Variants in SSH2 observed in about 807,000 individuals in gnomAD.
SSH2 encodes the protein protein phosphatase Slingshot homolog 2.
Under a neutral mutation model 135.2 loss-of-function variants are expected in SSH2, and 37 were observed. The observed-to-expected ratio is 0.27, with a 90% CI of 0.21 to 0.36. The LOEUF (loss-of-function observed/expected upper bound fraction) is 0.36, where lower values mean the gene tolerates loss of function less well. Ranked by LOEUF, SSH2 falls within the 10% of genes least tolerant of loss-of-function variation. The probability of loss-of-function intolerance (pLI) is 1.00; values close to 1 mark genes in which losing one functional copy is unlikely to be tolerated. For missense variants in SSH2, 1,408 were observed against 1,765.3 expected, an observed-to-expected ratio of 0.80 and a Z score of 3.63; for synonymous variants, 628 against 646.2, an observed-to-expected ratio of 0.97 and a Z score of 0.43.
rs1337967264 is a variant in SSH2 at position 29,874,207 on chromosome 17, C to T, written c.64-25278G>A. On this transcript the variant is annotated intron_variant, in intron 1 of 15. Coordinates refer to ENST00000540801, the MANE Select transcript of SSH2 (RefSeq NM_001282129.2). ...ACTCAGGAGGCCAAGGTGGGAGGAT[C>T]GCTTGAGCCTGGGAGGTGGAGGTTG... 7.5e-5 allele frequency among the ~76,000 whole-genome samples: 11 copies of T among 145,740 alleles called. No individual in the cohort carries two copies. In the East Asian group the frequency reaches 1.1e-3, roughly 15 times the overall value.
chr17:29,883,087 A>G (rs1400168311), intron 1 of SSH2: 1 of 152,094 alleles, frequency 6.6e-6, no homozygotes, highest in Non-Finnish European at 1.5e-5. Context: ...TTGTTACAAT[A>G]TCAGCACATT....
At chr17:29,848,139 A>G (rs1312188841) in intron 2 of SSH2, among the ~76,000 whole-genome samples, 2 of 152,170 alleles carry the variant, frequency 1.3e-5, no homozygotes, top group South Asian at 2.1e-4. Context: ...CTGCATCACT[A>G]CTAGGCCATT....
chr17:29,714,148 T>C (rs2039534789), intron 3 of SSH2, among the ~76,000 whole-genome samples: 1 of 152,070 alleles, frequency 6.6e-6, no homozygotes, highest in African/African-American at 2.4e-5. Context: ...CAAAAGTAAA[T>C]GACCTGAAAA....
intron 1 of SSH2, among the ~76,000 whole-genome samples, chr17:29,920,286 C>G (rs1460494053): frequency 3.3e-5 from 5 of 152,188 alleles, no homozygotes; most frequent in East Asian, 1.9e-4. Context: ...AGAAACTGCT[C>G]CCTCTCACTT....
At position 29,636,212 on chromosome 17, in the gene SSH2, C is replaced by A; in HGVS notation, c.2018G>T (p.Ser673Ile). Residue 673 changes from serine (S) to isoleucine (I), a missense_variant, in exon 15 of 16, where the codon AGT becomes ATT. By Grantham distance (142) the Ser-to-Ile change is moderately radical. Transcript: ENST00000540801. Reference protein sequence around the residue: ...PSCQTEISDFSTDRIDFFSAL... With the variant: ...PSCQTEISDFITDRIDFFSAL... ...ACTAAAAAAGTCAATGCGATCTGTA[C>A]TGAAATCTGAGATTTCAGTCTGGCA... 1 of 1,614,144 alleles carries A rather than the reference C, an allele frequency of 6.2e-7. No homozygotes were observed. Among genetic ancestry groups the A allele is most frequent in the South Asian group, 1.1e-5 (1 of 91,076 alleles).
chr17:29,692,659 T>C (rs571148369), intron 5 of SSH2, among the ~76,000 whole-genome samples: 4 of 152,282 alleles, frequency 2.6e-5, no homozygotes, highest in African/African-American at 9.6e-5. Flanking sequence ...AAAGTGATGT[T>C]AGATCTCTTT....
chr17:29,856,524 G>A (rs998865113), intron 1 of SSH2, among the ~76,000 whole-genome samples: 1 of 152,120 alleles, frequency 6.6e-6, no homozygotes, highest in Admixed American at 6.5e-5. Context: ...GCAGTGAGCC[G>A]TGATCCCACC....
In SSH2 at chr17:29,848,936, T is replaced by C. The variant is rs2065495617; in HGVS notation, c.64-7A>G. ...TGTCTTCCAAATGAGAGCTCTGTAA[T>C]ACAAACAAGATCATTTCAGAGATCC... On this transcript the variant is annotated splice_polypyrimidine_tract_variant and splice_region_variant and intron_variant, in intron 1 of 15. Coordinates refer to ENST00000540801, the MANE Select transcript of SSH2 (RefSeq NM_001282129.2). The C allele has an allele frequency of 2.6e-6, 4 of 1,526,768 alleles. No homozygotes were observed. The African/African-American group carries it at 5.5e-5, about 21-fold the overall frequency. 94.6% of individuals were successfully genotyped at this position (1,526,768 alleles called of 1,614,324 possible).
chr17:29,836,024 A>T lies in SSH2; in HGVS notation c.144+12825T>A, dbSNP rs573873222. Among the ~76,000 whole-genome samples the T allele has an allele frequency of 3.3e-5, 5 of 151,350 alleles. No homozygotes were observed. The East Asian group carries it at 9.7e-4, about 29-fold the overall frequency. On this transcript the variant is annotated intron_variant, in intron 2 of 15. Coordinates refer to ENST00000540801, the MANE Select transcript of SSH2 (RefSeq NM_001282129.2). The stretch of plus-strand genomic sequence containing the variant: ...TCTTTTGAAAGAATTATTATTATTA[A>T]TAATTTTATTATTTATAAATTTTAT...
At chr17:29,710,981 C>T (rs2039413140) in intron 3 of SSH2, among the ~76,000 whole-genome samples, 1 of 152,192 alleles carries the variant, frequency 6.6e-6, no homozygotes, top group South Asian at 2.1e-4. Context: ...GAATGCCCAG[C>T]CATACCTGGA....
intron 3 of SSH2, among the ~76,000 whole-genome samples, chr17:29,717,481 T>C (rs1395264318): frequency 1.3e-5 from 2 of 152,142 alleles, no homozygotes; most frequent in African/African-American, 2.4e-5. Context: ...TTTTGAAAAA[T>C]CATAAAATTT....
intron 14 of SSH2, among the ~76,000 whole-genome samples, chr17:29,642,847 C>T (rs1281697327): frequency 6.6e-6 from 1 of 152,144 alleles, no homozygotes; most frequent in Non-Finnish European, 1.5e-5. Flanking sequence ...TTGAAAACTT[C>T]TCTTCTACTA....
At position 29,738,550 on chromosome 17, in the gene SSH2, A is replaced by ATTTTCTTTTTTTT. The variant is rs1567933036; in HGVS notation, c.189-35489_189-35488insAAAAAAAAGAAAA. On this transcript the variant is annotated intron_variant, in intron 3 of 15. Transcript: ENST00000540801. The stretch of plus-strand genomic sequence containing the variant: ...TTAATTTTCTTTTTTTTTCTTTTTT[A>ATTTTCTTTTTTTT]TTTTATTTTATTTTTTTTTTTGAGA... Among the ~76,000 whole-genome samples the ATTTTCTTTTTTTT allele has an allele frequency of 1.5e-5, 2 of 137,372 alleles. 1 individual carries two copies. The allele number at this position is 137,372 out of a possible 152,430, so 90.1% of individuals were successfully genotyped here.
intron 3 of SSH2, among the ~76,000 whole-genome samples, chr17:29,756,519 A>G (rs921265227): frequency 1.6e-5 from 2 of 127,814 alleles, no homozygotes; most frequent in Non-Finnish European, 3.1e-5. Context: ...TTTATTAGAG[A>G]CAGGGTCCTG....
intron 1 of SSH2, among the ~76,000 whole-genome samples, chr17:29,895,019 C>T (rs1231773469): frequency 6.6e-6 from 1 of 151,412 alleles, no homozygotes; most frequent in Non-Finnish European, 1.5e-5. Context: ...TCCCATCATG[C>T]CCCTTCTCTG....
chr17:29,825,594 C>A (rs2042728974), intron 2 of SSH2, among the ~76,000 whole-genome samples: 1 of 152,118 alleles, frequency 6.6e-6, no homozygotes, highest in South Asian at 2.1e-4. Context: ...AGGGACCTTC[C>A]TTGATGGTTA....
At chr17:29,650,356 A>G (rs2151000047) in intron 13 of SSH2, among the ~76,000 whole-genome samples, 1 of 152,308 alleles carries the variant, frequency 6.6e-6, no homozygotes, top group East Asian at 1.9e-4. Context: ...ACTTAATTTC[A>G]TTCAGAATTT....
Position 29,636,465 on chromosome 17 carries a change from C to T in SSH2, c.1765G>A (p.Glu589Lys). 6.2e-7 allele frequency: 1 copy of T among 1,614,200 alleles called. No homozygotes were observed. Among genetic ancestry groups the T allele is most frequent in the Non-Finnish European group, 8.5e-7 (1 of 1,180,040 alleles). The change falls in exon 15 of 16, where the codon GAA (glutamate) becomes AAA (lysine). Residue 589 changes from glutamate (E) to lysine (K), a missense_variant. Glu to Lys is a moderately conservative substitution (Grantham distance 56). Around this residue, in one of 3 missense-constraint regions of SSH2, gnomAD observed 1,080 missense variants for 1,144.5 expected, o/e 0.94. Transcript: ENST00000540801. The stretch of plus-strand genomic sequence containing the variant: ...CAATTGTCAAGAGGAAATTTTGATT[C>T]ATTCAGACAACACCCTGATGAGCAT... The part of the protein sequence containing the change: ...NGCSSGCCLN[E>K]SKFPLDNCHA...
At chr17:29,645,443 C>T (rs2036333144) in intron 14 of SSH2, 1 of 152,078 alleles carries the variant, frequency 6.6e-6, no homozygotes, top group Admixed American at 6.6e-5. Flanking sequence ...TTATCCTCAT[C>T]TAAGATTTTT....
Sources: gnomAD v4.1 joint callset for allele counts (sites outside exome capture counted in the v4.1 genomes callset) on GRCh38, gnomAD v4.1.1 for gene constraint, gnomAD v4.1.1 regional missense constraint, MANE v1.5 for transcripts, NCBI Gene and HGNC (gene_info 2026-07-23, HGNC 2026-07-21) for gene names.